Variants in SCN3B observed in about 807,000 individuals in gnomAD.
SCN3B encodes sodium voltage-gated channel beta subunit 3, also known as sodium channel regulatory subunit beta-3.
A neutral mutation model predicts 25.4 loss-of-function variants in SCN3B; 11 were observed. The ratio of observed to expected loss-of-function variants is 0.43; its 90% CI spans 0.27 to 0.72. The LOEUF is 0.72. Ranked by LOEUF, SCN3B falls within the 30% of genes least tolerant of loss-of-function variation. The pLI, the probability that SCN3B is intolerant of heterozygous loss-of-function variation, is 0.18. For missense variants in SCN3B, 218 were observed against 278.3 expected, an observed-to-expected ratio of 0.78 and a Z score of 1.54; for synonymous variants, 109 against 110.7, an observed-to-expected ratio of 0.99 and a Z score of 0.09.
Position 123,634,210 on chromosome 11 carries a change from T to C in SCN3B, c.585-4A>G, listed in dbSNP as rs745830643. The stretch of plus-strand genomic sequence containing the variant: ...TGGGATGGCAAGGTAGTCAGACCTA[T>C]AGAGGACACAGGGAAAGGGAATCAG... On this transcript the variant is annotated splice_region_variant and splice_polypyrimidine_tract_variant and intron_variant, in intron 5 of 6. Coordinates refer to ENST00000299333, the MANE Select transcript of SCN3B (RefSeq NM_001040151.2). 3.8e-5 allele frequency: 62 copies of C among 1,613,034 alleles called. No homozygotes were observed. The highest frequency in any genetic ancestry group is 1.7e-4 in the Middle Eastern group (1 of 6,044).
At chr11:123,647,020 G>C (rs998003598) in intron 2 of SCN3B, among the ~76,000 whole-genome samples, 1 of 152,250 alleles carries the variant, frequency 6.6e-6, no homozygotes, top group African/African-American at 2.4e-5. Flanking sequence ...ATATTTGAAG[G>C]CTGGCAGATG....
chr11:123,634,864 T>C (rs536749040), intron 5 of SCN3B, among the ~76,000 whole-genome samples: 2 of 152,396 alleles, frequency 1.3e-5, no homozygotes, highest in East Asian at 3.9e-4. Flanking sequence ...GAGATCTTTG[T>C]CTTTTTCTCA....
Position 123,645,688 on chromosome 11 carries a change from G to T in SCN3B, c.118C>A (p.Pro40Thr), listed in dbSNP as rs762633602. 1 of 1,613,998 alleles carries T rather than the reference G, an allele frequency of 6.2e-7. No individual in the cohort carries two copies. The highest frequency in any genetic ancestry group is 8.5e-7 in the Non-Finnish European group (1 of 1,180,018). Residue 40 changes from proline (P) to threonine (T), a missense_variant, in exon 3 of 7, where the codon CCC (proline) becomes ACC (threonine). Physicochemically the swap from Pro to Thr is conservative, Grantham distance 38. Transcript: ENST00000299333. Reference sequence around the variant, plus strand: ...CAGGAGATGCAGCGCAGCTTCATGGGGTTGCCCTGCACGGCCTCCGTCTCC... The same window carrying T: ...CAGGAGATGCAGCGCAGCTTCATGGTGTTGCCCTGCACGGCCTCCGTCTCC... ...PSETEAVQGN[P>T]MKLRCISCMK...
chr11:123,640,750 C>T (rs1172649692), intron 4 of SCN3B: 1 of 152,180 alleles, frequency 6.6e-6, no homozygotes, highest in Non-Finnish European at 1.5e-5. Context: ...CATCAACTTG[C>T]ATATGACCTC....
intron 4 of SCN3B, among the ~76,000 whole-genome samples, chr11:123,641,345 C>A (rs996622318): frequency 1.3e-5 from 2 of 152,214 alleles, no homozygotes; most frequent in African/African-American, 2.4e-5. Context: ...GACCTACCTT[C>A]CATTTTAGTC....
At position 123,632,087 on chromosome 11, in the gene SCN3B, C is replaced by T. The variant is rs1955679179; in HGVS notation, c.*1712G>A. 1 of 152,128 alleles carries T rather than the reference C, an allele frequency of 6.6e-6. No individual in the cohort carries two copies. Among genetic ancestry groups the T allele is most frequent in the South Asian group, 2.1e-4 (1 of 4,822 alleles). The allele number at this position is 152,128 out of a possible 1,614,324, so 9.4% of individuals were successfully genotyped here. On this transcript the variant is annotated 3_prime_UTR_variant, in exon 7 of 7. Coordinates refer to ENST00000299333, the MANE Select transcript of SCN3B (RefSeq NM_001040151.2). ...TGAAGGATGTCACACTTGGACCTGT[C>T]ACTTAATTAAAATGAAACACGAGAT...
chr11:123,650,965 A>G (rs1362397145), intron 2 of SCN3B, among the ~76,000 whole-genome samples: 1 of 152,160 alleles, frequency 6.6e-6, no homozygotes, highest in African/African-American at 2.4e-5. Flanking sequence ...ACTCATGCCT[A>G]TAATCCTAGC....
chr11:123,653,693 T>C, intron 2 of SCN3B, 54 bp downstream of exon 2: 1 of 1,587,666 alleles, frequency 6.3e-7, no homozygotes, highest in Admixed American at 1.7e-5. Flanking sequence ...GTGTTATTAT[T>C]GTTAGCATTG....
chr11:123,642,437 C>A lies in SCN3B; in HGVS notation c.445+9G>T. Reference sequence around the variant, plus strand: ...AGGACGCCCTAGAGACCCTGTGCCTCAGCCTCACCCTCCTCGGTGACTCTT... The same window carrying A: ...AGGACGCCCTAGAGACCCTGTGCCTAAGCCTCACCCTCCTCGGTGACTCTT... On this transcript the variant is annotated intron_variant, in intron 4 of 6. Transcript: ENST00000299333. The surrounding 1 kb of genome is among the most constrained non-coding windows in gnomAD (Gnocchi z 4.3). 6.2e-7 allele frequency: 1 copy of A among 1,613,996 alleles called. No individual in the cohort carries two copies. The highest frequency in any genetic ancestry group is 8.5e-7 in the Non-Finnish European group (1 of 1,179,866).
At chr11:123,643,798 T>C (rs538533228) in intron 3 of SCN3B, among the ~76,000 whole-genome samples, 59 of 152,370 alleles carry the variant, frequency 3.9e-4, no homozygotes, top group African/African-American at 1.3e-3. Flanking sequence ...CCTTTGCATC[T>C]GGCCAAGACA....
At chr11:123,638,807 GC>G in intron 4 of SCN3B, 1 of 210,832 alleles carries the variant, frequency 4.7e-6, no homozygotes, top group South Asian at 8.4e-5. Flanking sequence ...CTTTTGAGCT[GC>G]CGGTGGTGGA....
In SCN3B at chr11:123,637,513, G is replaced by C. The variant is rs535744293; in HGVS notation, c.584+673C>G. Among the ~76,000 whole-genome samples the C allele has an allele frequency of 2.6e-5, 4 of 152,094 alleles. No individual in the cohort carries two copies. In the East Asian group the frequency reaches 7.7e-4, roughly 29 times the overall value. ...ACGGTTATAATAATGTTACTTTTTT[G>C]TTGTGTTTTTGGGCTTTTATTGTTG... On this transcript the variant is annotated intron_variant, in intron 5 of 6. Transcript: ENST00000299333.
intron 2 of SCN3B, among the ~76,000 whole-genome samples, chr11:123,651,697 A>C (rs949195645): frequency 5.9e-5 from 9 of 152,142 alleles, no homozygotes; most frequent in African/African-American, 2.2e-4. Context: ...TTAACAACCA[A>C]GTGTCCTGAA....
At chr11:123,640,823 C>T (rs1280630311) in intron 4 of SCN3B, 2 of 152,240 alleles carry the variant, frequency 1.3e-5, no homozygotes, top group Non-Finnish European at 2.9e-5. Context: ...CTGGAGGACG[C>T]CAATGTGGGC....
chr11:123,653,743 T>C lies in SCN3B; in HGVS notation c.55+4A>G, dbSNP rs1300719907. On this transcript the variant is annotated splice_donor_region_variant and intron_variant, in intron 2 of 6. Transcript: ENST00000299333. ...ATCCGGCATGGCGAGGTGCTGGTACTTACCCCAGTAGATAAGCACGAGAGA... is the reference window on the plus strand; with the variant it reads ...ATCCGGCATGGCGAGGTGCTGGTACCTACCCCAGTAGATAAGCACGAGAGA... The C allele has an allele frequency of 3.1e-6, 5 of 1,614,060 alleles. No homozygotes were observed. Among genetic ancestry groups the C allele is most frequent in the Non-Finnish European group, 4.2e-6 (5 of 1,180,010 alleles).
In SCN3B at chr11:123,642,140, C is replaced by T. The variant is rs930116829; in HGVS notation, c.445+306G>A. ...ACATAGGCCAAAGAAGAAGGCCTAGCTGAATCAGTAGCTTTAGGCCTCATG... is the reference window on the plus strand; with the variant it reads ...ACATAGGCCAAAGAAGAAGGCCTAGTTGAATCAGTAGCTTTAGGCCTCATG... On this transcript the variant is annotated intron_variant, in intron 4 of 6. Coordinates refer to ENST00000299333, the MANE Select transcript of SCN3B (RefSeq NM_001040151.2). This position sits in a 1 kb window ranked among gnomAD's most constrained non-coding sequence, Gnocchi z 4.3. 6.6e-6 allele frequency among the ~76,000 whole-genome samples: 1 copy of T among 152,168 alleles called. No individual in the cohort carries two copies. Among genetic ancestry groups the T allele is most frequent in the Non-Finnish European group, 1.5e-5 (1 of 68,038 alleles).
In SCN3B at chr11:123,646,176, A is replaced by G. The variant is rs191904756; in HGVS notation, c.56-426T>C. Among the ~76,000 whole-genome samples the G allele has an allele frequency of 3.3e-5, 5 of 152,338 alleles. No homozygotes were observed. The East Asian group carries it at 7.7e-4, about 24-fold the overall frequency. The stretch of plus-strand genomic sequence containing the variant: ...ATGCTAGACTAGAGATGCAAAGATG[A>G]ATAAAACACTAACCATGCCCTAAAT... On this transcript the variant is annotated intron_variant, in intron 2 of 6. Transcript: ENST00000299333.
At chr11:123,651,323 G>A (rs567594494) in intron 2 of SCN3B, among the ~76,000 whole-genome samples, 3 of 151,848 alleles carry the variant, frequency 2.0e-5, no homozygotes, top group Non-Finnish European at 4.4e-5. Flanking sequence ...TATTGGAATT[G>A]CATGCAAATC....
Position 123,642,343 on chromosome 11 carries a change from G to C in SCN3B, c.445+103C>G, listed in dbSNP as rs1278583591. On this transcript the variant is annotated intron_variant, in intron 4 of 6. Transcript: ENST00000299333. This position sits in a 1 kb window ranked among gnomAD's most constrained non-coding sequence, Gnocchi z 4.3. The stretch of plus-strand genomic sequence containing the variant: ...AGATGTCACCATTCCAAATACATGG[G>C]TTTTTGCACTCTTTAAGGGCCTCAC... 7 of 1,116,046 alleles carry C rather than the reference G, an allele frequency of 6.3e-6. No individual in the cohort carries two copies. The highest frequency in any genetic ancestry group is 1.3e-5 in the South Asian group (1 of 78,844). 69.1% of individuals were successfully genotyped at this position (1,116,046 alleles called of 1,614,324 possible).
Sources: allele counts gnomAD v4.1 joint callset (sites outside exome capture counted in the v4.1 genomes callset), GRCh38; gene constraint gnomAD v4.1.1; non-coding constraint Gnocchi (gnomAD v3.1); transcripts MANE v1.5; gene names NCBI Gene and HGNC (gene_info 2026-07-23, HGNC 2026-07-21).